The following ARHGEF10L variants were observed in gnomAD, a reference collection of about 807,000 sequenced individuals.
ARHGEF10L encodes the protein Rho guanine nucleotide exchange factor 10 like.
Under a neutral mutation model 141.2 loss-of-function variants are expected in ARHGEF10L, and 69 were observed. The ratio of observed to expected loss-of-function variants is 0.49; its 90% CI spans 0.40 to 0.60. The LOEUF (loss-of-function observed/expected upper bound fraction) is 0.60. ARHGEF10L is among the 20% of genes least tolerant of loss of function. The pLI, the probability that ARHGEF10L is intolerant of heterozygous loss-of-function variation, is 0.00. For synonymous variants in ARHGEF10L, 711 were observed against 718.5 expected (o/e 0.99, Z 0.17); for missense variants, 1,482 against 1,734.3 (o/e 0.85, Z 2.58).
intron 22 of ARHGEF10L, among the ~76,000 whole-genome samples, chr1:17,649,354 C>T (rs1249354142): frequency 6.6e-6 from 1 of 152,182 alleles, no homozygotes; most frequent in Admixed American, 6.5e-5. Context: ...CTAGCTCGCC[C>T]TCCATCTAGA....
chr1:17,666,330 T>G (rs1240657486), intron 26 of ARHGEF10L, among the ~76,000 whole-genome samples: 1 of 152,218 alleles, frequency 6.6e-6, no homozygotes, highest in African/African-American at 2.4e-5. Context: ...CAGCTCTTCC[T>G]GGGTGCTGGG....
intron 1 of ARHGEF10L, among the ~76,000 whole-genome samples, chr1:17,540,677 C>A (rs2076692677): frequency 1.3e-5 from 2 of 152,110 alleles, no homozygotes; most frequent in African/African-American, 4.8e-5. Context: ...CTCGAATCTT[C>A]CTTTGGCCCT....
intron 23 of ARHGEF10L, among the ~76,000 whole-genome samples, chr1:17,655,129 G>C (rs1227037125): frequency 6.6e-6 from 1 of 152,118 alleles, no homozygotes; most frequent in Non-Finnish European, 1.5e-5. Flanking sequence ...CTTGATTCAA[G>C]TGAGGTACCC....
At chr1:17,632,502 T>G in intron 16 of ARHGEF10L, 36 bp downstream of exon 16, 1 of 1,613,036 alleles carries the variant, frequency 6.2e-7, no homozygotes, top group African/African-American at 1.3e-5. Context: ...CAATCACCCC[T>G]CCCTGGAGAC....
At chr1:17,651,789 T>C (rs2101978101) in intron 22 of ARHGEF10L, among the ~76,000 whole-genome samples, 1 of 152,210 alleles carries the variant, frequency 6.6e-6, no homozygotes, top group East Asian at 1.9e-4. Context: ...TGACTCTCTG[T>C]GGTAAGGGGC....
Position 17,655,049 on chromosome 1 carries a change from T to A in ARHGEF10L, c.2481+327T>A, listed in dbSNP as rs538967414. Among the ~76,000 whole-genome samples the A allele has an allele frequency of 8.5e-5, 13 of 152,334 alleles. No homozygotes were observed. In the South Asian group the frequency reaches 2.7e-3, roughly 32 times the overall value. On this transcript the variant is annotated intron_variant, in intron 23 of 28. Transcript: ENST00000361221. The stretch of plus-strand genomic sequence containing the variant: ...CACCCCTGGAGTCAGGAGGCAGGGC[T>A]GGCTAGTGCCCTACTCATGCAGACA...
chr1:17,665,572 T>G (rs1007344912), intron 26 of ARHGEF10L, among the ~76,000 whole-genome samples: 3 of 152,192 alleles, frequency 2.0e-5, no homozygotes, highest in Non-Finnish European at 2.9e-5. Context: ...GAGCCGGACC[T>G]ACCAGACCGT....
intron 1 of ARHGEF10L, among the ~76,000 whole-genome samples, chr1:17,569,842 G>A (rs910176577): frequency 2.0e-5 from 3 of 152,262 alleles, no homozygotes; most frequent in Non-Finnish European, 4.4e-5. Flanking sequence ...ACTCATCAGA[G>A]GAAGAATGTG....
intron 5 of ARHGEF10L, among the ~76,000 whole-genome samples, chr1:17,602,629 C>A (rs550472238): frequency 6.6e-6 from 1 of 152,186 alleles, no homozygotes; most frequent in East Asian, 1.9e-4. Context: ...TGTACAAGGG[C>A]CTGAGGGCAG....
In ARHGEF10L at chr1:17,582,505, C is replaced by T. The variant is rs577556440; in HGVS notation, c.37+1873C>T. On this transcript the variant is annotated intron_variant, in intron 2 of 28. Coordinates refer to ENST00000361221, the MANE Select transcript of ARHGEF10L (RefSeq NM_018125.4). Reference sequence around the variant, plus strand: ...AAATTCCTGAGTAGGGGATTCCCCACGCACCTTGTCAACTGTCTAATGACC... The same window carrying T: ...AAATTCCTGAGTAGGGGATTCCCCATGCACCTTGTCAACTGTCTAATGACC... Among the ~76,000 whole-genome samples the T allele has an allele frequency of 1.1e-4, 16 of 152,370 alleles. No homozygotes were observed. In the South Asian group the frequency reaches 1.2e-3, roughly 12 times the overall value.
chr1:17,569,810 C>T (rs1198322883), intron 1 of ARHGEF10L, among the ~76,000 whole-genome samples: 1 of 152,246 alleles, frequency 6.6e-6, no homozygotes, highest in East Asian at 1.9e-4. Flanking sequence ...ATCCTGTCCC[C>T]TTTGCCGGCC....
At chr1:17,667,779 G>C (rs779571966) in intron 26 of ARHGEF10L, among the ~76,000 whole-genome samples, 2 of 152,190 alleles carry the variant, frequency 1.3e-5, no homozygotes, top group Admixed American at 1.3e-4. Flanking sequence ...AGCTGGGCCT[G>C]TGGGGCTCCT....
rs944157425 is a variant in ARHGEF10L at position 17,634,637 on chromosome 1, T to C, written c.1745+75T>C. On this transcript the variant is annotated intron_variant, in intron 17 of 28. Transcript: ENST00000361221. ...CTCTGGTGCCATGTGATTCTGGATATGGGGCTGGGGCCTGGGCGCCTGGTG... is the reference window on the plus strand; with the variant it reads ...CTCTGGTGCCATGTGATTCTGGATACGGGGCTGGGGCCTGGGCGCCTGGTG... The C allele has an allele frequency of 6.3e-6, 10 of 1,575,066 alleles. No homozygotes were observed. In the African/African-American group the frequency reaches 1.2e-4, roughly 19 times the overall value.
In ARHGEF10L at chr1:17,674,267, T is replaced by C. The variant is rs189152080; in HGVS notation, c.3009+9672T>C. On this transcript the variant is annotated intron_variant, in intron 26 of 28. Transcript: ENST00000361221. ...TACCCCTGGGACCCTTGGTCCATGG[T>C]GTTTACATGACTAGTGGGCCCTGAT... Among the ~76,000 whole-genome samples the C allele has an allele frequency of 2.8e-4, 42 of 152,238 alleles. 1 individual carries two copies. The highest frequency in any genetic ancestry group is 1.0e-3 in the African/African-American group (42 of 41,532).
In ARHGEF10L at chr1:17,640,362, G is replaced by T. The variant is rs1400373472; in HGVS notation, c.2272+60G>T. ...CAGGGGTGTGGAACGGGGAGGTTTG[G>T]GGTGAGTGAGGGTACAGGATGGGTG... On this transcript the variant is annotated intron_variant, in intron 21 of 28. Transcript: ENST00000361221. The T allele has an allele frequency of 7.0e-6, 10 of 1,434,228 alleles. 1 individual carries two copies. The East Asian group carries it at 2.2e-4, about 31-fold the overall frequency. The allele number at this position is 1,434,228 out of a possible 1,614,324, so 88.8% of individuals were successfully genotyped here.
At chr1:17,617,374 A>C (rs2059867022) in intron 9 of ARHGEF10L, among the ~76,000 whole-genome samples, 1 of 152,094 alleles carries the variant, frequency 6.6e-6, no homozygotes, top group African/African-American at 2.4e-5. Context: ...TCAGGTGCCT[A>C]CCCTTGCTCC....
intron 21 of ARHGEF10L, among the ~76,000 whole-genome samples, chr1:17,640,995 A>G (rs1390318109): frequency 6.6e-6 from 1 of 152,090 alleles, no homozygotes; most frequent in Non-Finnish European, 1.5e-5. Context: ...AGGCCCAGAG[A>G]TGTGCGGGGA....
At chr1:17,551,439 C>T (rs141623476) in intron 1 of ARHGEF10L, among the ~76,000 whole-genome samples, 4 of 152,206 alleles carry the variant, frequency 2.6e-5, no homozygotes, top group Middle Eastern at 3.4e-3. Flanking sequence ...AGGCATGTGC[C>T]AAGGCTCAGG....
At chr1:17,676,920 T>TGCCTCCACTAGTTCTCCTCTGG (rs1553238991) in intron 26 of ARHGEF10L, among the ~76,000 whole-genome samples, 1 of 151,918 alleles carries the variant, frequency 6.6e-6, no homozygotes, top group Non-Finnish European at 1.5e-5. Flanking sequence ...GGAGCCCAAC[T>TGCCTCCACTAGTTCTCCTCTGG]GCCTCCACTA....
Sources: gnomAD v4.1 joint callset for allele counts (sites outside exome capture counted in the v4.1 genomes callset) on GRCh38, gnomAD v4.1.1 for gene constraint, MANE v1.5 for transcripts, NCBI Gene and HGNC (gene_info 2026-07-23, HGNC 2026-07-21) for gene names.